CELF2: variants seen among roughly 807,000 people sequenced by gnomAD.
CELF2 encodes the protein CUGBP Elav-like family member 2.
In CELF2, 8 loss-of-function variants were observed where a neutral mutation model predicts 62.6. The observed-to-expected ratio is 0.13, with a 90% CI of 0.07 to 0.23. The LOEUF (loss-of-function observed/expected upper bound fraction) is 0.23. CELF2 is among the 10% of genes least tolerant of loss of function. CELF2 has a pLI of 1.00. For synonymous variants in CELF2, 258 were observed against 250.0 expected, an observed-to-expected ratio of 1.03 and a Z score of -0.30; for missense variants, 333 against 671.0, an observed-to-expected ratio of 0.50 and a Z score of 5.56.
chr10:10,889,446 G>A (rs2061983694), intron 1 of CELF2, among the ~76,000 whole-genome samples: 1 of 152,054 alleles, frequency 6.6e-6, no homozygotes, highest in South Asian at 2.1e-4. Flanking sequence ...TTTTTTTGCT[G>A]TCCCTGAGCA....
At chr10:10,471,435 A>C in the CELF2 span, among the ~76,000 whole-genome samples, 1 of 151,748 alleles carries the variant, frequency 6.6e-6, no homozygotes, top group South Asian at 2.1e-4. Context: ...GTGTGTATAC[A>C]TTTATAATTG....
chr10:10,635,422 A>G, the CELF2 span, among the ~76,000 whole-genome samples: 3 of 152,166 alleles, frequency 2.0e-5, no homozygotes, highest in Admixed American at 1.3e-4. Flanking sequence ...TTATTTTTCT[A>G]GAAGGTCGTT....
chr10:10,775,895 CT>C, the CELF2 span, among the ~76,000 whole-genome samples: 1 of 152,190 alleles, frequency 6.6e-6, no homozygotes, highest in Non-Finnish European at 1.5e-5. Flanking sequence ...ATAACTTAAG[CT>C]GGTCCTAGTT....
the CELF2 span, among the ~76,000 whole-genome samples, chr10:10,469,467 G>A: frequency 6.6e-6 from 1 of 151,908 alleles, no homozygotes; most frequent in Non-Finnish European, 1.5e-5. Context: ...TAAAGGAGGT[G>A]AAGTCCCCTT....
At chr10:10,753,012 C>G in the CELF2 span, among the ~76,000 whole-genome samples, 2 of 151,978 alleles carry the variant, frequency 1.3e-5, no homozygotes, top group Admixed American at 1.3e-4. Context: ...TAATGTGAGC[C>G]CTTGGTGAAT....
intron 1 of CELF2, among the ~76,000 whole-genome samples, chr10:11,163,276 G>C (rs1413194370): frequency 6.6e-6 from 1 of 152,160 alleles, no homozygotes; most frequent in Non-Finnish European, 1.5e-5. Context: ...TTGAACTTCT[G>C]TTTTCTGTTA....
In CELF2 at chr10:11,111,573, C is replaced by T. The variant is rs181637637; in HGVS notation, c.75-53913C>T. On this transcript the variant is annotated intron_variant, in intron 1 of 12. Coordinates refer to ENST00000633077, the MANE Select transcript of CELF2 (RefSeq NM_001326342.2). ...TTCTTTTTTTTTCCCTAATGGGTAA[C>T]TGTTGTTGCTTATGGATTGGAGAGG... Among the ~76,000 whole-genome samples the T allele has an allele frequency of 4.6e-5, 7 of 152,080 alleles. No homozygotes were observed. The East Asian group carries it at 1.2e-3, about 25-fold the overall frequency.
chr10:10,855,879 G>A (rs991595623), intron 1 of CELF2, among the ~76,000 whole-genome samples: 1 of 151,986 alleles, frequency 6.6e-6, no homozygotes, highest in African/African-American at 2.4e-5. Context: ...GTAGATATTC[G>A]CTATCTACTA....
Position 11,033,501 on chromosome 10 carries a change from C to T in CELF2, c.74+15338C>T, listed in dbSNP as rs143987620. Among the ~76,000 whole-genome samples the T allele has an allele frequency of 3.0e-3, 458 of 152,322 alleles. 3 individuals are homozygous for T. Among genetic ancestry groups the T allele is most frequent in the Middle Eastern group, 0.027 (8 of 294 alleles). ...CAGCCTCCCGACCTCAGGTGATCCG[C>T]CCACCTCAGCCTTCCAAAGTGCTGG... On this transcript the variant is annotated intron_variant, in intron 1 of 12. Transcript: ENST00000633077.
At chr10:10,779,763 A>G in the CELF2 span, among the ~76,000 whole-genome samples, 1 of 152,218 alleles carries the variant, frequency 6.6e-6, no homozygotes, top group Non-Finnish European at 1.5e-5. Context: ...AAGAAATGCT[A>G]AAGTGCAGTC....
At chr10:11,081,902 C>G (rs2074130608) in intron 1 of CELF2, among the ~76,000 whole-genome samples, 1 of 152,180 alleles carries the variant, frequency 6.6e-6, no homozygotes, top group Admixed American at 6.5e-5. Flanking sequence ...GTGCTGTCTT[C>G]CATGCATTTT....
chr10:11,281,623 A>G (rs1372907770), intron 8 of CELF2, among the ~76,000 whole-genome samples: 2 of 152,096 alleles, frequency 1.3e-5, no homozygotes, highest in Non-Finnish European at 2.9e-5. Flanking sequence ...TGTGGTGGCA[A>G]GCGCCTGTAG....
At chr10:10,589,949 A>C in the CELF2 span, among the ~76,000 whole-genome samples, 1 of 152,250 alleles carries the variant, frequency 6.6e-6, no homozygotes, top group Admixed American at 6.5e-5. Flanking sequence ...TAGTGATTCT[A>C]GGGTGCCTAC....
chr10:10,929,516 A>G (rs1417661618), intron 2 of CELF2: 1 of 152,252 alleles, frequency 6.6e-6, no homozygotes, highest in Non-Finnish European at 1.5e-5. Context: ...TTACATTATA[A>G]GGAGCAGCCC....
the CELF2 span, among the ~76,000 whole-genome samples, chr10:10,640,399 A>G: frequency 6.6e-6 from 1 of 152,102 alleles, no homozygotes; most frequent in Admixed American, 6.6e-5. Context: ...CAAATCTCTT[A>G]ATCATGCATC....
At chr10:10,827,303 C>T (rs984098242) in intron 1 of CELF2, among the ~76,000 whole-genome samples, 15 of 152,072 alleles carry the variant, frequency 9.9e-5, no homozygotes, top group Admixed American at 2.6e-4. Context: ...GATTTTTGTC[C>T]GTCCTCTCTC....
chr10:10,690,666 G>A, the CELF2 span, among the ~76,000 whole-genome samples: 1 of 152,108 alleles, frequency 6.6e-6, no homozygotes, highest in African/African-American at 2.4e-5. Flanking sequence ...GATCACTTGA[G>A]GTCAGGGGTT....
chr10:10,697,105 C>G, the CELF2 span, among the ~76,000 whole-genome samples: 8 of 144,034 alleles, frequency 5.6e-5, no homozygotes, highest in African/African-American at 2.1e-4. Flanking sequence ...TGATGTCCTG[C>G]TTTAGAAGGA....
intron 1 of CELF2, among the ~76,000 whole-genome samples, chr10:11,020,524 G>C (rs924591470): frequency 6.6e-6 from 1 of 152,186 alleles, no homozygotes; most frequent in East Asian, 1.9e-4. Context: ...TAGCCATGCG[G>C]ATTTATTGTT....
Sources: allele counts gnomAD v4.1 joint callset (sites outside exome capture counted in the v4.1 genomes callset), GRCh38; gene constraint gnomAD v4.1.1; transcripts MANE v1.5; gene names NCBI Gene and HGNC (gene_info 2026-07-23, HGNC 2026-07-21).